TBC1D1: variants seen among roughly 807,000 people sequenced by gnomAD.
TBC1D1 encodes the protein TBC1 domain family member 1, also known as TBC1 (tre-2/USP6, BUB2, cdc16) domain family, member 1.
In TBC1D1, 89 loss-of-function variants were observed where a neutral mutation model predicts 125.6. The observed-to-expected ratio is 0.71, with a 90% confidence interval of 0.60 to 0.85. The LOEUF is 0.85. Ranked by LOEUF, TBC1D1 falls within the 40% of genes least tolerant of loss-of-function variation. TBC1D1 has a pLI of 0.00. For missense variants in TBC1D1, 1,377 were observed against 1,469.2 expected (o/e 0.94, Z 1.03); for synonymous variants, 565 against 564.1 (o/e 1.00, Z -0.02).
At chr4:38,049,535 TG>T in intron 10 of TBC1D1, 82 bp from the exon 11 acceptor site, 2 of 1,465,670 alleles carry the variant, frequency 1.4e-6, no homozygotes, top group Non-Finnish European at 1.8e-6. Flanking sequence ...GATACTGCAA[TG>T]TTTGCCCGTG....
intron 5 of TBC1D1, 60 bp downstream of exon 5, chr4:38,020,755 C>G: frequency 1.4e-6 from 2 of 1,436,120 alleles, no homozygotes; most frequent in Non-Finnish European, 2.0e-6. Flanking sequence ...TTTAGCTCCA[C>G]TGATTTTTCT....
chr4:37,891,914 G>A (rs769982229), intron 1 of TBC1D1, among the ~76,000 whole-genome samples: 4 of 151,908 alleles, frequency 2.6e-5, no homozygotes, highest in Non-Finnish European at 5.9e-5. Flanking sequence ...CAGGCATTAA[G>A]GTTTTGTTTT....
chr4:37,974,125 C>T (rs1428287730), intron 2 of TBC1D1, among the ~76,000 whole-genome samples: 1 of 152,176 alleles, frequency 6.6e-6, no homozygotes, highest in African/African-American at 2.4e-5. Context: ...AAATGCACTC[C>T]CTTTTCCACC....
chr4:38,011,721 GGA>G (rs1456896229), intron 2 of TBC1D1, among the ~76,000 whole-genome samples: 1 of 152,140 alleles, frequency 6.6e-6, no homozygotes, highest in East Asian at 1.9e-4. Flanking sequence ...AGCAGAGCAA[GGA>G]GAGAGAGACT....
chr4:38,018,331 GA>G, intron 3 of TBC1D1, 22 bp from the exon 4 acceptor site: 1 of 1,569,214 alleles, frequency 6.4e-7, no homozygotes. Flanking sequence ...TGAAAAGCTA[GA>G]TTTTTTTGTT....
Position 37,902,305 on chromosome 4 carries a change from C to A in TBC1D1, c.210C>A (p.Pro70=). The A allele has an allele frequency of 6.2e-7, 1 of 1,614,120 alleles. No individual in the cohort carries two copies. Among genetic ancestry groups the A allele is most frequent in the East Asian group, 2.2e-5 (1 of 44,868 alleles). ...AGCAAGTCCGGCTTTGCGTTTCACC[C>A]TCTGGACTGAGATGTGAACCTGAGC... Residue 70 remains proline, a synonymous_variant, in exon 2 of 20, where the codon CCC becomes CCA. Coordinates refer to ENST00000261439, the MANE Select transcript of TBC1D1 (RefSeq NM_015173.4).
chr4:37,899,141 G>A (rs542599773), intron 1 of TBC1D1, among the ~76,000 whole-genome samples: 1 of 152,148 alleles, frequency 6.6e-6, no homozygotes, highest in East Asian at 1.9e-4. Flanking sequence ...CTTTTCTCTA[G>A]GACGAAAAAG....
chr4:38,012,018 C>T (rs1180985277), intron 2 of TBC1D1, among the ~76,000 whole-genome samples: 2 of 152,202 alleles, frequency 1.3e-5, no homozygotes, highest in Non-Finnish European at 2.9e-5. Flanking sequence ...TCAGATGCAG[C>T]AGAAGACACA....
intron 15 of TBC1D1, among the ~76,000 whole-genome samples, chr4:38,112,525 C>G (rs1214349064): frequency 6.6e-6 from 1 of 152,188 alleles, no homozygotes; most frequent in East Asian, 1.9e-4. Flanking sequence ...GTGTACTCTC[C>G]ACTCTGCAAA....
At chr4:38,050,900 G>A (rs946831199) in intron 11 of TBC1D1, among the ~76,000 whole-genome samples, 3 of 152,178 alleles carry the variant, frequency 2.0e-5, no homozygotes, top group Non-Finnish European at 2.9e-5. Context: ...GGAATTCAGC[G>A]GGGTAGTGGT....
chr4:37,970,940 G>GC (rs1424994015), intron 2 of TBC1D1, among the ~76,000 whole-genome samples: 1 of 143,196 alleles, frequency 7.0e-6, no homozygotes, highest in Non-Finnish European at 1.5e-5. Context: ...CTGCCTCACT[G>GC]GCCCCCCCCA....
intron 2 of TBC1D1, among the ~76,000 whole-genome samples, chr4:37,932,166 G>A (rs918819486): frequency 1.3e-5 from 2 of 152,144 alleles, no homozygotes; most frequent in African/African-American, 2.4e-5. Flanking sequence ...CATTTCTAAA[G>A]GATGTGTCCA....
intron 2 of TBC1D1, among the ~76,000 whole-genome samples, chr4:37,969,513 T>C (rs1376112016): frequency 1.3e-5 from 2 of 152,200 alleles, no homozygotes; most frequent in Admixed American, 6.5e-5. Context: ...GCCTGGCTAA[T>C]TTTTGTATTT....
At position 38,021,173 on chromosome 4, in the gene TBC1D1, G is replaced by A. The variant is rs114938068; in HGVS notation, c.1078-413G>A. Among the ~76,000 whole-genome samples the A allele has an allele frequency of 8.9e-3, 1,354 of 152,316 alleles. 20 individuals are homozygous for A. The highest frequency in any genetic ancestry group is 0.031 in the African/African-American group (1,286 of 41,572). On this transcript the variant is annotated intron_variant, in intron 5 of 19. Coordinates refer to ENST00000261439, the MANE Select transcript of TBC1D1 (RefSeq NM_015173.4). ...GGCACATCTTACATGGCAGCAGGCA[G>A]GGCAGCGTGTGCAGGGGAACTGCCC...
chr4:37,965,836 C>T (rs1730956008), intron 2 of TBC1D1, among the ~76,000 whole-genome samples: 1 of 152,118 alleles, frequency 6.6e-6, no homozygotes, highest in Non-Finnish European at 1.5e-5. Flanking sequence ...CTACAACCTC[C>T]ACCTCCCAGA....
At chr4:37,903,546 C>CTTCTCATA (rs1283655023) in intron 2 of TBC1D1, among the ~76,000 whole-genome samples, 1 of 152,160 alleles carries the variant, frequency 6.6e-6, no homozygotes, top group Non-Finnish European at 1.5e-5. Context: ...GCCTTGAAAG[C>CTTCTCATA]TTCTCATATT....
In TBC1D1 at chr4:38,054,304, G is replaced by A. The variant is rs1373145747; in HGVS notation, c.2016G>A (p.Pro672=). ...AGATATTCCTCCGAGTAGCCACCCCGCAGAAGGCGTGCGATTCTTCCAGCA... is the reference window on the plus strand; with the variant it reads ...AGATATTCCTCCGAGTAGCCACCCCACAGAAGGCGTGCGATTCTTCCAGCA... The change falls in exon 12 of 20, where the codon CCG becomes CCA. Residue 672 remains proline (P), a synonymous_variant. Transcript: ENST00000261439. 2 of 1,614,156 alleles carry A rather than the reference G, an allele frequency of 1.2e-6. No individual in the cohort carries two copies. The highest frequency in any genetic ancestry group is 1.1e-5 in the South Asian group (1 of 91,088).
chr4:37,911,147 T>A (rs1718538214), intron 2 of TBC1D1, among the ~76,000 whole-genome samples: 2 of 149,304 alleles, frequency 1.3e-5, no homozygotes, highest in Non-Finnish European at 3.0e-5. Context: ...TTTTTTTTTT[T>A]TTTTTTTGGC....
At chr4:37,954,658 C>T (rs773259953) in intron 2 of TBC1D1, among the ~76,000 whole-genome samples, 17 of 151,932 alleles carry the variant, frequency 1.1e-4, no homozygotes, top group African/African-American at 2.4e-4. Flanking sequence ...TGATGAGGAC[C>T]GGCCTAGGAT....
Sources: allele counts gnomAD v4.1 joint callset (sites outside exome capture counted in the v4.1 genomes callset), GRCh38; gene constraint gnomAD v4.1.1; transcripts MANE v1.5; gene names NCBI Gene and HGNC (gene_info 2026-07-23, HGNC 2026-07-21).